Variants in RNF115 observed in about 807,000 individuals in gnomAD.
RNF115 encodes the protein ring finger protein 115.
In RNF115, 31 loss-of-function variants were observed where a neutral mutation model predicts 39.2. The ratio of observed to expected loss-of-function variants is 0.79; its 90% CI spans 0.59 to 1.07. The LOEUF is 1.07. Ranked by LOEUF, RNF115 falls within the 50% of genes least tolerant of loss-of-function variation. RNF115 has a pLI of 0.00. For synonymous variants in RNF115, 124 were observed against 131.0 expected, an observed-to-expected ratio of 0.95 and a Z score of 0.37; for missense variants, 384 against 381.7, an observed-to-expected ratio of 1.01 and a Z score of -0.05.
Position 145,823,915 on chromosome 1 carries a change from G to C in RNF115, c.-42C>G. 3 of 1,396,554 alleles carry C rather than the reference G, an allele frequency of 2.1e-6. No homozygotes were observed. Among genetic ancestry groups the C allele is most frequent in the Non-Finnish European group, 2.8e-6 (3 of 1,052,770 alleles). 86.5% of individuals were successfully genotyped at this position (1,396,554 alleles called of 1,614,324 possible). ...GGCCGTCCGAGAGGGCAGCCGGCCCGTCCCTCGCCAGGCCGCTACCTCCCG... is the reference window on the plus strand; with the variant it reads ...GGCCGTCCGAGAGGGCAGCCGGCCCCTCCCTCGCCAGGCCGCTACCTCCCG... On this transcript the variant is annotated 5_prime_UTR_variant, in exon 1 of 9. Coordinates refer to ENST00000582693, the MANE Select transcript of RNF115 (RefSeq NM_014455.4).
chr1:145,791,566 A>C (rs1413638723), intron 1 of RNF115, among the ~76,000 whole-genome samples: 3 of 151,768 alleles, frequency 2.0e-5, no homozygotes, highest in Non-Finnish European at 2.9e-5. Flanking sequence ...GCATAAATCA[A>C]TTTGTAGACT....
At chr1:145,813,348 T>C (rs1441038249) in intron 1 of RNF115, among the ~76,000 whole-genome samples, 1 of 152,092 alleles carries the variant, frequency 6.6e-6, no homozygotes, top group Admixed American at 6.6e-5. Context: ...CTGGAGCTTA[T>C]GAAACTTCTG....
At chr1:145,819,204 G>A (rs587614257) in intron 1 of RNF115, among the ~76,000 whole-genome samples, 85 of 145,672 alleles carry the variant, frequency 5.8e-4, no homozygotes, top group African/African-American at 2.1e-3. Context: ...GGGAGGCAAA[G>A]GCAGGCGGAT....
chr1:145,782,808 G>T (rs1167341147), intron 3 of RNF115, among the ~76,000 whole-genome samples: 1 of 152,174 alleles, frequency 6.6e-6, no homozygotes, highest in Admixed American at 6.5e-5. Flanking sequence ...CACACAAGAG[G>T]AAAGAATACT....
intron 1 of RNF115, among the ~76,000 whole-genome samples, chr1:145,797,698 T>A (rs1391705547): frequency 6.6e-6 from 1 of 152,216 alleles, no homozygotes; most frequent in African/African-American, 2.4e-5. Flanking sequence ...ATTCTATTTT[T>A]AATTTTTTGA....
At chr1:145,757,973 G>A (rs905778065) in intron 4 of RNF115, among the ~76,000 whole-genome samples, 21 of 152,304 alleles carry the variant, frequency 1.4e-4, no homozygotes, top group Admixed American at 8.5e-4. Flanking sequence ...TTTTTTGATA[G>A]ATTTTGGGAG....
intron 7 of RNF115, among the ~76,000 whole-genome samples, chr1:145,749,805 C>T (rs1258685206): frequency 2.6e-5 from 4 of 152,112 alleles, no homozygotes; most frequent in Non-Finnish European, 4.4e-5. Flanking sequence ...CATACTTTTC[C>T]TTAAATAGAA....
chr1:145,781,467 C>A (rs1220340640), intron 3 of RNF115, among the ~76,000 whole-genome samples: 1 of 152,134 alleles, frequency 6.6e-6, no homozygotes, highest in East Asian at 1.9e-4. Context: ...AGATAATTTT[C>A]ACATCTTTGC....
intron 4 of RNF115, among the ~76,000 whole-genome samples, chr1:145,767,172 CGGA>C (rs1222772225): frequency 4.0e-5 from 6 of 151,272 alleles, no homozygotes; most frequent in Non-Finnish European, 7.4e-5. Flanking sequence ...CCTCACCTCC[CGGA>C]CGGGGTGGCT....
intron 3 of RNF115, among the ~76,000 whole-genome samples, chr1:145,778,442 A>T (rs1647976122): frequency 6.6e-6 from 1 of 152,180 alleles, no homozygotes; most frequent in Admixed American, 6.5e-5. Flanking sequence ...TACTAAAACC[A>T]CTTAGCTGTA....
At chr1:145,777,541 T>C (rs959726803) in intron 3 of RNF115, among the ~76,000 whole-genome samples, 2 of 152,086 alleles carry the variant, frequency 1.3e-5, no homozygotes, top group Non-Finnish European at 2.9e-5. Flanking sequence ...CACAAATTTA[T>C]ACCAAATCAG....
intron 5 of RNF115, among the ~76,000 whole-genome samples, chr1:145,752,545 A>G (rs587603250): frequency 6.8e-6 from 1 of 146,532 alleles, no homozygotes; most frequent in Non-Finnish European, 1.5e-5. Context: ...ATGGCAGTGT[A>G]GCAGCCTCCA....
intron 2 of RNF115, chr1:145,788,677 T>C: frequency 1.5e-6 from 1 of 649,196 alleles, no homozygotes; most frequent in East Asian, 3.0e-5. Context: ...GCAGTGCGTA[T>C]CACCACATCT....
In RNF115 at chr1:145,791,512, CA is replaced by C. The variant is rs1180971080; in HGVS notation, c.103-2547del. Among the ~76,000 whole-genome samples the C allele has an allele frequency of 3.9e-3, 416 of 105,956 alleles. 1 individual carries two copies. The highest frequency in any genetic ancestry group is 7.3e-3 in the African/African-American group (209 of 28,772). The allele number at this position is 105,956 out of a possible 152,430, so 69.5% of individuals were successfully genotyped here. On this transcript the variant is annotated intron_variant, in intron 1 of 8. Coordinates refer to ENST00000582693, the MANE Select transcript of RNF115 (RefSeq NM_014455.4). ...GGGCAACAAGAGCGAAACTCCACCT[CA>C]AAAAAAAAAAAAAAGAGAAAGAGAG... is the stretch of plus-strand genomic sequence containing the variant.
intron 3 of RNF115, among the ~76,000 whole-genome samples, chr1:145,784,061 TA>T (rs1553717800): frequency 6.7e-6 from 1 of 150,336 alleles, no homozygotes. Context: ...TAAACATCCT[TA>T]ATCTACACCA....
intron 1 of RNF115, among the ~76,000 whole-genome samples, chr1:145,791,346 T>C (rs1386316249): frequency 1.4e-5 from 1 of 69,832 alleles, no homozygotes; most frequent in African/African-American, 7.0e-5. Flanking sequence ...ACCCCATCTC[T>C]ACTTAAAAAA....
At chr1:145,763,761 G>A (rs1658626553) in intron 4 of RNF115, among the ~76,000 whole-genome samples, 1 of 152,166 alleles carries the variant, frequency 6.6e-6, no homozygotes, top group Non-Finnish European at 1.5e-5. Flanking sequence ...TGTAGTAAGT[G>A]CAGACTAATG....
rs146979706 is a variant in RNF115, at chr1:145,794,192, C to A, written c.103-5226G>T. Reference sequence around the variant, plus strand: ...TGTCCTGCTTCTCTTTTAGTCCTTTCCAATCTGAAATCAAAAAAGAACCAT... The same window carrying A: ...TGTCCTGCTTCTCTTTTAGTCCTTTACAATCTGAAATCAAAAAAGAACCAT... On this transcript the variant is annotated intron_variant, in intron 1 of 8. Transcript: ENST00000582693. Among the ~76,000 whole-genome samples, 568 of 152,230 alleles carry A rather than the reference C, an allele frequency of 3.7e-3. 6 individuals carry two copies. Among genetic ancestry groups the A allele is most frequent in the African/African-American group, 0.013 (544 of 41,526 alleles).
At chr1:145,789,650 A>G (rs1374764282) in intron 1 of RNF115, among the ~76,000 whole-genome samples, 5 of 149,736 alleles carry the variant, frequency 3.3e-5, no homozygotes, top group Non-Finnish European at 5.9e-5. Flanking sequence ...TACCTGCCTC[A>G]GCCTCCCAAA....
Sources: allele counts gnomAD v4.1 joint callset (sites outside exome capture counted in the v4.1 genomes callset), GRCh38; gene constraint gnomAD v4.1.1; transcripts MANE v1.5; gene names NCBI Gene and HGNC (gene_info 2026-07-23, HGNC 2026-07-21).